ZRANB1: variants seen among roughly 807,000 people sequenced by gnomAD.
ZRANB1 encodes ubiquitin thioesterase ZRANB1.
Under a neutral mutation model 80.5 loss-of-function variants are expected in ZRANB1, and 16 were observed. That is an observed-to-expected ratio of 0.20 (90% confidence interval 0.13 to 0.30). ZRANB1 has a LOEUF of 0.30. Among genes scored for constraint, ZRANB1 ranks in the 10% least tolerant of loss-of-function variants. ZRANB1 has a pLI of 1.00. For missense variants in ZRANB1, 576 were observed against 862.6 expected (o/e 0.67, Z 4.16); for synonymous variants, 291 against 293.1 (o/e 0.99, Z 0.07).
chr10:124,943,478 A>G (rs1361011356), intron 1 of ZRANB1, among the ~76,000 whole-genome samples, 171 bp downstream of exon 1: 1 of 152,160 alleles, frequency 6.6e-6, no homozygotes, highest in Non-Finnish European at 1.5e-5. Flanking sequence ...CTTGCACTCC[A>G]GCTTGGGTAA....
At chr10:124,943,330 T>C (rs775678140) in intron 1 of ZRANB1, 23 bp downstream of exon 1, 1 of 1,588,606 alleles carries the variant, frequency 6.3e-7, no homozygotes, top group South Asian at 1.1e-5. Flanking sequence ...ATTCTGCATT[T>C]TTTGCGTGGG....
upstream of ZRANB1, chr10:124,940,636 G>C (rs1951526824): frequency 1.3e-6 from 1 of 772,466 alleles, no homozygotes; most frequent in South Asian, 1.5e-5. Context: ...ACTATAAATG[G>C]TGTATGGACT....
the ZRANB1 span, among the ~76,000 whole-genome samples, chr10:124,917,840 A>C: frequency 6.6e-6 from 1 of 152,194 alleles, no homozygotes; most frequent in Admixed American, 6.5e-5. Context: ...TCCTGCTCGC[A>C]GTAACGAGTG....
intron 1 of ZRANB1, among the ~76,000 whole-genome samples, chr10:124,962,978 T>C (rs769011872): frequency 6.6e-6 from 1 of 152,084 alleles, no homozygotes; most frequent in Non-Finnish European, 1.5e-5. Context: ...AAGAGAAAGA[T>C]GCTTTGGCTG....
chr10:124,928,273 C>T, the ZRANB1 span, among the ~76,000 whole-genome samples: 1 of 152,222 alleles, frequency 6.6e-6, no homozygotes, highest in Admixed American at 6.5e-5. Flanking sequence ...GCAGAGGCTA[C>T]GGTGTCGCCG....
chr10:124,960,653 C>G (rs552783987), intron 1 of ZRANB1, among the ~76,000 whole-genome samples: 1 of 152,188 alleles, frequency 6.6e-6, no homozygotes, highest in South Asian at 2.1e-4. Context: ...ATCCTGGGCT[C>G]TAAGCGATTC....
chr10:124,917,413 G>C, the ZRANB1 span: 1 of 150,942 alleles, frequency 6.6e-6, no homozygotes, highest in African/African-American at 2.4e-5. Flanking sequence ...GGGAGGGCAG[G>C]GGCCCGGGCC....
chr10:124,960,866 A>T lies in ZRANB1; in HGVS notation c.815-5728A>T, dbSNP rs1448105139. 3.3e-5 allele frequency among the ~76,000 whole-genome samples: 5 copies of T among 152,372 alleles called. No individual in the cohort carries two copies. The East Asian group carries it at 9.6e-4, about 29-fold the overall frequency. ...TCAAATTCAGCCAGGGTAACTTGGC[A>T]GTGTGGCAATTGAAATTTTTATTTT... is the stretch of plus-strand genomic sequence containing the variant. On this transcript the variant is annotated intron_variant, in intron 1 of 8. Coordinates refer to ENST00000359653, the MANE Select transcript of ZRANB1 (RefSeq NM_017580.3).
intron 1 of ZRANB1, among the ~76,000 whole-genome samples, chr10:124,963,554 GTTTTTTTTTTTTTT>G (rs760813299): frequency 5.2e-5 from 3 of 57,510 alleles, no homozygotes; most frequent in African/African-American, 1.9e-4. Flanking sequence ...TTTTTTGTTT[GTTTTTTTTTTTTTT>G]TTTTTTTTTG....
chr10:124,974,617 AT>A (rs919428422), intron 5 of ZRANB1, among the ~76,000 whole-genome samples: 3 of 152,174 alleles, frequency 2.0e-5, no homozygotes, highest in African/African-American at 7.2e-5. Context: ...GTTTTTATAC[AT>A]TTTTTTGCTA....
the ZRANB1 span, among the ~76,000 whole-genome samples, chr10:124,927,578 C>T: frequency 9.9e-5 from 15 of 152,232 alleles, no homozygotes; most frequent in East Asian, 2.7e-3. Flanking sequence ...CTTTTGATAC[C>T]AGCAGAATAT....
the ZRANB1 span, among the ~76,000 whole-genome samples, chr10:124,922,224 C>T: frequency 7.2e-6 from 1 of 139,314 alleles, no homozygotes; most frequent in Admixed American, 7.4e-5. Flanking sequence ...GGATTATTGG[C>T]ATGAACCCCT....
intron 1 of ZRANB1, among the ~76,000 whole-genome samples, chr10:124,954,148 T>G (rs888283589): frequency 2.9e-5 from 4 of 138,660 alleles, no homozygotes; most frequent in South Asian, 2.4e-4. Context: ...CTGTTTTTTT[T>G]TTTTTTTTTT....
intron 1 of ZRANB1, among the ~76,000 whole-genome samples, chr10:124,954,595 G>A (rs1327454989): frequency 6.6e-6 from 1 of 150,712 alleles, no homozygotes. Context: ...TTACAGGTGT[G>A]TGCCACCATG....
At position 124,985,080 on chromosome 10, in the gene ZRANB1, T is replaced by C. The variant is rs2134008466; in HGVS notation, c.*88T>C. 5 of 1,058,926 alleles carry C rather than the reference T, an allele frequency of 4.7e-6. No individual in the cohort carries two copies. Among genetic ancestry groups the C allele is most frequent in the Non-Finnish European group, 6.9e-6 (5 of 721,850 alleles). 65.6% of individuals were successfully genotyped at this position (1,058,926 alleles called of 1,614,324 possible). ...GGTGCTCCAAGCAGAGTCGACATCATGGAATGAACCAAATCTGGCAGGATC... is the reference window on the plus strand; with the variant it reads ...GGTGCTCCAAGCAGAGTCGACATCACGGAATGAACCAAATCTGGCAGGATC... On this transcript the variant is annotated 3_prime_UTR_variant, in exon 9 of 9. Coordinates refer to ENST00000359653, the MANE Select transcript of ZRANB1 (RefSeq NM_017580.3).
At chr10:124,923,913 G>A in the ZRANB1 span, among the ~76,000 whole-genome samples, 1 of 151,446 alleles carries the variant, frequency 6.6e-6, no homozygotes, top group Non-Finnish European at 1.5e-5. Flanking sequence ...CATATAACTG[G>A]GCAAAGTAGC....
chr10:124,923,770 A>G, the ZRANB1 span, among the ~76,000 whole-genome samples: 1 of 151,694 alleles, frequency 6.6e-6, no homozygotes. Context: ...ATCTCCTGAG[A>G]ACTCACTCAG....
intron 5 of ZRANB1, among the ~76,000 whole-genome samples, chr10:124,979,768 G>GA (rs767359978): frequency 1.3e-5 from 2 of 151,896 alleles, no homozygotes; most frequent in Non-Finnish European, 2.9e-5. Context: ...ACCTTTAATT[G>GA]AAAAAAACCC....
At chr10:124,962,088 T>G (rs894648863) in intron 1 of ZRANB1, among the ~76,000 whole-genome samples, 1 of 152,216 alleles carries the variant, frequency 6.6e-6, no homozygotes. Context: ...GCTGTGAATA[T>G]CTCCAGGTTC....
Sources: gnomAD v4.1 joint callset for allele counts (sites outside exome capture counted in the v4.1 genomes callset) on GRCh38, gnomAD v4.1.1 for gene constraint, MANE v1.5 for transcripts, NCBI Gene and HGNC (gene_info 2026-07-23, HGNC 2026-07-21) for gene names.